Variants in LMO7 observed in about 807,000 individuals in gnomAD.
The protein encoded by LMO7 is LIM domain only protein 7.
A neutral mutation model predicts 206.5 loss-of-function variants in LMO7; 120 were observed. That is an observed-to-expected ratio of 0.58 (90% confidence interval 0.50 to 0.68). LMO7 has a LOEUF of 0.68. LMO7 is among the 30% of genes least tolerant of loss of function. LMO7 has a pLI of 0.00. For synonymous variants in LMO7, 706 were observed against 681.5 expected, an observed-to-expected ratio of 1.04 and a Z score of -0.56; for missense variants, 1,959 against 1,957.9, an observed-to-expected ratio of 1.00 and a Z score of -0.01.
chr13:75,689,757 G>A (rs993521650), intron 1 of LMO7, among the ~76,000 whole-genome samples: 2 of 152,156 alleles, frequency 1.3e-5, no homozygotes, highest in African/African-American at 2.4e-5. Context: ...CTACACCAGC[G>A]GTTTGCCATG....
At chr13:75,669,329 T>G (rs1194956104) in intron 1 of LMO7, among the ~76,000 whole-genome samples, 1 of 152,008 alleles carries the variant, frequency 6.6e-6, no homozygotes, top group African/African-American at 2.4e-5. Context: ...TACAAATAGT[T>G]AAATATTAAA....
exon 2 of LMO7, chr13:75,623,309 A>G (rs2138658985): frequency 7.0e-7 from 1 of 1,424,786 alleles, no homozygotes; most frequent in Non-Finnish European, 9.9e-7. Flanking sequence ...AGGAAGGACT[A>G]TTCTCATTAA....
At chr13:75,743,271 T>G (rs996223134) in intron 3 of LMO7, among the ~76,000 whole-genome samples, 12 of 152,140 alleles carry the variant, frequency 7.9e-5, no homozygotes, top group Admixed American at 6.5e-4. Context: ...GGAGTGTAAA[T>G]TAGTTCAACC....
At chr13:75,652,182 T>C (rs1286486007) in intron 1 of LMO7, among the ~76,000 whole-genome samples, 1 of 152,138 alleles carries the variant, frequency 6.6e-6, no homozygotes, top group Non-Finnish European at 1.5e-5. Context: ...CCAAGTTCCT[T>C]TAATTTTCCC....
At chr13:75,811,857 G>GT (rs1262302304) in intron 11 of LMO7, among the ~76,000 whole-genome samples, 2 of 152,148 alleles carry the variant, frequency 1.3e-5, no homozygotes, top group East Asian at 3.8e-4. Context: ...TGATTAAGCT[G>GT]TTGAATCTGT....
intron 27 of LMO7, among the ~76,000 whole-genome samples, chr13:75,851,233 G>T (rs565698758): frequency 6.6e-6 from 1 of 152,198 alleles, no homozygotes; most frequent in Non-Finnish European, 1.5e-5. Context: ...GCAGAATGAC[G>T]ATAGTTCTAA....
chr13:75,796,610 T>A, intron 5 of LMO7, 26 bp from the exon 6 acceptor site: 1 of 1,415,372 alleles, frequency 7.1e-7, no homozygotes, highest in Non-Finnish European at 9.9e-7. Flanking sequence ...CTGATCTTGT[T>A]GTTCATGGAT....
chr13:75,670,966 CTTTTTT>C (rs552236505), intron 1 of LMO7, among the ~76,000 whole-genome samples: 2 of 100,070 alleles, frequency 2.0e-5, no homozygotes, highest in Non-Finnish European at 4.1e-5. Context: ...ATGTTTAAAA[CTTTTTT>C]TTTTTTTTTT....
intron 3 of LMO7, among the ~76,000 whole-genome samples, chr13:75,739,744 A>C (rs2046266500): frequency 6.6e-6 from 1 of 152,088 alleles, no homozygotes; most frequent in African/African-American, 2.4e-5. Context: ...TAGAAAATTC[A>C]CCTGGGGAAT....
At chr13:75,668,496 G>C (rs1458384538) in intron 1 of LMO7, among the ~76,000 whole-genome samples, 4 of 152,172 alleles carry the variant, frequency 2.6e-5, no homozygotes, top group Non-Finnish European at 5.9e-5. Context: ...AGGCAGGTGA[G>C]ACAGTGAGTT....
intron 3 of LMO7, among the ~76,000 whole-genome samples, chr13:75,727,672 C>T (rs1042774409): frequency 4.0e-5 from 6 of 151,776 alleles, no homozygotes; most frequent in South Asian, 2.1e-4. Flanking sequence ...ATGTGCACAA[C>T]GTGCAGGTTA....
chr13:75,676,528 G>A (rs138386222), intron 1 of LMO7, among the ~76,000 whole-genome samples: 2 of 152,236 alleles, frequency 1.3e-5, no homozygotes, highest in African/African-American at 4.8e-5. Flanking sequence ...GAATTTGTTA[G>A]GTGTTGATTC....
rs1455293556 is a variant in LMO7 at position 75,859,588 on chromosome 13, TCTGTGATA to T, written c.*1648_*1655del. The stretch of plus-strand genomic sequence containing the variant: ...GCATGTTATATATAAATATGTAAAT[TCTGTGATA>T]CTCTATGATCATCTCTTTCTTTATA... On this transcript the variant is annotated 3_prime_UTR_variant, in exon 31 of 31. Transcript: ENST00000377534. The T allele has an allele frequency of 2.0e-5, 3 of 152,186 alleles. No individual in the cohort carries two copies. The highest frequency in any genetic ancestry group is 4.4e-5 in the Non-Finnish European group (3 of 68,034). The allele number at this position is 152,186 out of a possible 1,614,324, so 9.4% of individuals were successfully genotyped here.
At position 75,856,560 on chromosome 13, in the gene LMO7, A is replaced by C; in HGVS notation, c.4825A>C (p.Ile1609Leu). ...GGSSSGAEVR[I>L]RNHQLYCNDC... ...CTCTTCCTCAGGAGCTGAAGTCAGGATCAGAAACCACCAACTGTACTGCAA... is the reference window on the plus strand; with the variant it reads ...CTCTTCCTCAGGAGCTGAAGTCAGGCTCAGAAACCACCAACTGTACTGCAA... The change falls in exon 30 of 31, where the codon ATC becomes CTC. Residue 1609 changes from isoleucine (I) to leucine (L), a missense_variant. By Grantham distance (5) the Ile-to-Leu change is conservative. Coordinates refer to ENST00000377534, the MANE Select transcript of LMO7 (RefSeq NM_001306080.2). 6.2e-7 allele frequency: 1 copy of C among 1,612,614 alleles called. No homozygotes were observed.
chr13:75,707,758 A>T (rs1253680512), intron 1 of LMO7, among the ~76,000 whole-genome samples: 2 of 152,110 alleles, frequency 1.3e-5, no homozygotes, highest in African/African-American at 4.8e-5. Context: ...TTTTTAAAAA[A>T]ATATATAAAT....
At chr13:75,809,425 C>T (rs1436801451) in intron 11 of LMO7, among the ~76,000 whole-genome samples, 1 of 151,872 alleles carries the variant, frequency 6.6e-6, no homozygotes, top group Non-Finnish European at 1.5e-5. Flanking sequence ...CTTCTTTTTT[C>T]CTTTTTAAAA....
At chr13:75,698,326 G>A (rs2042040347) in intron 1 of LMO7, among the ~76,000 whole-genome samples, 1 of 151,992 alleles carries the variant, frequency 6.6e-6, no homozygotes, top group East Asian at 1.9e-4. Flanking sequence ...TTAAGAGATA[G>A]GGTCTAGCTG....
chr13:75,630,501 C>T (rs1160034024), intron 2 of LMO7, among the ~76,000 whole-genome samples: 2 of 152,018 alleles, frequency 1.3e-5, no homozygotes, highest in East Asian at 1.9e-4. Flanking sequence ...GATGAAACAC[C>T]GTCTCTACAA....
chr13:75,840,828 G>A (rs1026748972), intron 22 of LMO7, among the ~76,000 whole-genome samples: 6 of 152,078 alleles, frequency 3.9e-5, no homozygotes, highest in Non-Finnish European at 8.8e-5. Context: ...TTCAGCCCCC[G>A]CTTACAGTTT....
Sources: allele counts gnomAD v4.1 joint callset (sites outside exome capture counted in the v4.1 genomes callset), GRCh38; gene constraint gnomAD v4.1.1; transcripts MANE v1.5; gene names NCBI Gene and HGNC (gene_info 2026-07-23, HGNC 2026-07-21).